Variants in TSHZ1 observed in about 807,000 individuals in gnomAD.
The protein encoded by TSHZ1 is teashirt homolog 1.
Under a neutral mutation model 67.1 loss-of-function variants are expected in TSHZ1, and 12 were observed. The ratio of observed to expected loss-of-function variants is 0.18; its 90% CI spans 0.11 to 0.29. The LOEUF is 0.29. Ranked by LOEUF, TSHZ1 falls within the 10% of genes least tolerant of loss-of-function variation. The probability of loss-of-function intolerance (pLI) is 1.00; values close to 1 mark genes in which losing one functional copy is unlikely to be tolerated. For synonymous variants in TSHZ1, 632 were observed against 622.4 expected (o/e 1.02, Z -0.23); for missense variants, 1,305 against 1,413.9 (o/e 0.92, Z 1.23).
At chr18:75,270,774 T>C (rs952156721) in intron 1 of TSHZ1, among the ~76,000 whole-genome samples, 3 of 152,224 alleles carry the variant, frequency 2.0e-5, no homozygotes, top group African/African-American at 7.2e-5. Flanking sequence ...TAACTTCCAC[T>C]GTTTAGCCCA....
chr18:75,278,858 T>C (rs773311154), intron 1 of TSHZ1, among the ~76,000 whole-genome samples: 1 of 152,132 alleles, frequency 6.6e-6, no homozygotes, highest in Non-Finnish European at 1.5e-5. Context: ...GGTCTTGGAA[T>C]GATGCGAGGA....
intron 1 of TSHZ1, among the ~76,000 whole-genome samples, chr18:75,251,442 G>A (rs1302448102): frequency 6.7e-6 from 1 of 148,726 alleles, no homozygotes; most frequent in Non-Finnish European, 1.5e-5. Context: ...ACTAAATGGT[G>A]AACAGCTTTT....
At chr18:75,238,854 T>C (rs890558368) in intron 1 of TSHZ1, among the ~76,000 whole-genome samples, 1 of 152,246 alleles carries the variant, frequency 6.6e-6, no homozygotes, top group Non-Finnish European at 1.5e-5. Flanking sequence ...ACACATCTGT[T>C]TTCCTGCATC....
At position 75,276,292 on chromosome 18, in the gene TSHZ1, G is replaced by T. The variant is rs199666874; in HGVS notation, c.41-9156G>T. ...GAAATTCTTAAAAATTGTTTCTATT[G>T]TTTTTTTTTTTCTATCATGTCAGAG... On this transcript the variant is annotated intron_variant, in intron 1 of 1. Transcript: ENST00000580243. Among the ~76,000 whole-genome samples the T allele has an allele frequency of 5.6e-3, 831 of 149,050 alleles. 7 individuals carry two copies. The highest frequency in any genetic ancestry group is 0.019 in the African/African-American group (755 of 40,788).
At chr18:75,212,047 C>A in intron 1 of TSHZ1, 131 bp downstream of exon 1, 1 of 619,894 alleles carries the variant, frequency 1.6e-6, no homozygotes, top group Non-Finnish European at 2.2e-6. Flanking sequence ...CCAGCCTGCG[C>A]TGGCCACAGT....
At chr18:75,250,160 T>TC (rs912093920) in intron 1 of TSHZ1, among the ~76,000 whole-genome samples, 1 of 150,250 alleles carries the variant, frequency 6.7e-6, no homozygotes, top group Non-Finnish European at 1.5e-5. Flanking sequence ...GACTTCCTCC[T>TC]CCCCCTCTCA....
intron 1 of TSHZ1, among the ~76,000 whole-genome samples, chr18:75,276,209 A>T (rs1356492727): frequency 6.6e-6 from 1 of 152,112 alleles, no homozygotes; most frequent in Non-Finnish European, 1.5e-5. Context: ...TTACCTGTGG[A>T]TTCCTAATTA....
chr18:75,214,826 A>G (rs919773549), intron 1 of TSHZ1, among the ~76,000 whole-genome samples: 61 of 152,332 alleles, frequency 4.0e-4, no homozygotes, highest in African/African-American at 1.4e-3. Flanking sequence ...ACAGGCCCCT[A>G]ATTATCTGTA....
chr18:75,286,143 T>A lies in TSHZ1; in HGVS notation c.736T>A (p.Phe246Ile). 1 of 1,612,984 alleles carries A rather than the reference T, an allele frequency of 6.2e-7. No homozygotes were observed. Among genetic ancestry groups the A allele is most frequent in the Non-Finnish European group, 8.5e-7 (1 of 1,179,346 alleles). ...YGSVFTGASK[F>I]RCKDCSAAYD... ...CTCCGTCTTCACGGGCGCCAGCAAG[T>A]TCCGGTGCAAAGACTGCAGTGCCGC... The change falls in exon 2 of 2, where the codon TTC (phenylalanine) becomes ATC (isoleucine). Residue 246 changes from phenylalanine to isoleucine, a missense_variant. This residue lies in a region of TSHZ1 where 358 missense variants were observed against 375.6 expected (regional missense o/e 0.95). Coordinates refer to ENST00000580243, the MANE Select transcript of TSHZ1 (RefSeq NM_001308210.2). This position sits in a 1 kb window ranked among gnomAD's most constrained non-coding sequence, Gnocchi z 5.1.
At chr18:75,272,494 T>C (rs2023570465) in intron 1 of TSHZ1, among the ~76,000 whole-genome samples, 1 of 152,250 alleles carries the variant, frequency 6.6e-6, no homozygotes, top group Non-Finnish European at 1.5e-5. Context: ...GGTATTTTCC[T>C]CATTTCTTTG....
At chr18:75,240,387 G>A (rs550782970) in intron 1 of TSHZ1, among the ~76,000 whole-genome samples, 60 of 148,958 alleles carry the variant, frequency 4.0e-4, no homozygotes, top group African/African-American at 1.4e-3. Flanking sequence ...TTTGACCTTT[G>A]GTCAAGCTTG....
chr18:75,262,817 C>G (rs1014253867), intron 1 of TSHZ1, among the ~76,000 whole-genome samples: 8 of 152,168 alleles, frequency 5.3e-5, no homozygotes, highest in Non-Finnish European at 1.0e-4. Context: ...CCTTGAGAAG[C>G]ATTACCACCC....
chr18:75,221,493 A>G (rs575814192), intron 1 of TSHZ1, among the ~76,000 whole-genome samples: 66 of 152,386 alleles, frequency 4.3e-4, no homozygotes, highest in African/African-American at 1.4e-3. Context: ...CGACATACCA[A>G]TGAATGCTGA....
rs545667545 is a variant in TSHZ1 at position 75,245,180 on chromosome 18, C to T, written c.40+33264C>T. Reference sequence around the variant, plus strand: ...AAAGGACTATTGCACAAATTAAAACCAGGCCCACAATCTATGAAGAGAAAC... The same window carrying T: ...AAAGGACTATTGCACAAATTAAAACTAGGCCCACAATCTATGAAGAGAAAC... On this transcript the variant is annotated intron_variant, in intron 1 of 1. Transcript: ENST00000580243. The T allele has an allele frequency of 6.6e-5, 10 of 152,262 alleles. No homozygotes were observed. In the South Asian group the frequency reaches 2.1e-3, roughly 32 times the overall value. 9.4% of individuals were successfully genotyped at this position (152,262 alleles called of 1,614,324 possible).
At chr18:75,251,206 T>C (rs1313502088) in intron 1 of TSHZ1, among the ~76,000 whole-genome samples, 1 of 152,150 alleles carries the variant, frequency 6.6e-6, no homozygotes, top group Non-Finnish European at 1.5e-5. Context: ...TTTTTTCCTC[T>C]TTGCAAAAGT....
chr18:75,280,481 C>G (rs1459056931), intron 1 of TSHZ1, among the ~76,000 whole-genome samples: 2 of 152,216 alleles, frequency 1.3e-5, no homozygotes, highest in African/African-American at 4.8e-5. Context: ...AACATTTACT[C>G]CATATCTTCT....
At chr18:75,276,973 T>A (rs2023620630) in intron 1 of TSHZ1, among the ~76,000 whole-genome samples, 1 of 152,224 alleles carries the variant, frequency 6.6e-6, no homozygotes, top group Non-Finnish European at 1.5e-5. Flanking sequence ...GTCCACCACC[T>A]CCTCCGTCAG....
At chr18:75,279,988 T>G (rs1396919911) in intron 1 of TSHZ1, among the ~76,000 whole-genome samples, 1 of 152,256 alleles carries the variant, frequency 6.6e-6, no homozygotes, top group Non-Finnish European at 1.5e-5. Flanking sequence ...CTTCATTCAA[T>G]GATAAATAAC....
At position 75,287,046 on chromosome 18, in the gene TSHZ1, G is replaced by C; in HGVS notation, c.1639G>C (p.Gly547Arg). 1 of 1,614,004 alleles carries C rather than the reference G, an allele frequency of 6.2e-7. No homozygotes were observed. Among genetic ancestry groups the C allele is most frequent in the Non-Finnish European group, 8.5e-7 (1 of 1,180,004 alleles). Residue 547 changes from glycine (G) to arginine (R), a missense_variant, in exon 2 of 2, where the codon GGA (glycine) becomes CGA (arginine). Physicochemically the swap from Gly to Arg is moderately radical, Grantham distance 125. Transcript: ENST00000580243. This position sits in a 1 kb window ranked among gnomAD's most constrained non-coding sequence, Gnocchi z 5.0. ...REEDLDDSPK[G>R]GLDILKSLEN... ...GGAGGACCTGGACGACAGCCCCAAG[G>C]GAGGGCTGGACATTCTCAAGTCCCT...
Sources: allele counts gnomAD v4.1 joint callset (sites outside exome capture counted in the v4.1 genomes callset), GRCh38; gene constraint gnomAD v4.1.1; regional missense constraint gnomAD v4.1.1; non-coding constraint Gnocchi (gnomAD v3.1); transcripts MANE v1.5; gene names NCBI Gene and HGNC (gene_info 2026-07-23, HGNC 2026-07-21).